CNTNAP2: variants seen among roughly 807,000 people sequenced by gnomAD.
CNTNAP2 encodes contactin-associated protein-like 2.
Under a neutral mutation model 155.2 loss-of-function variants are expected in CNTNAP2, and 98 were observed. The observed-to-expected ratio is 0.63, with a 90% CI of 0.54 to 0.75. The LOEUF (loss-of-function observed/expected upper bound fraction) is 0.75. CNTNAP2 is among the 30% of genes least tolerant of loss of function. The probability of loss-of-function intolerance (pLI) is 0.00; values close to 1 mark genes in which losing one functional copy is unlikely to be tolerated. For missense variants in CNTNAP2, 1,727 were observed against 1,688.1 expected (o/e 1.02, Z -0.40); for synonymous variants, 651 against 631.2 (o/e 1.03, Z -0.47).
At chr7:146,483,879 A>C (rs1447370028) in intron 1 of CNTNAP2, among the ~76,000 whole-genome samples, 1 of 152,152 alleles carries the variant, frequency 6.6e-6, no homozygotes, top group Non-Finnish European at 1.5e-5. Flanking sequence ...TGTTTTCTAC[A>C]CAACGAGTAT....
chr7:147,851,832 C>T (rs1798948082), intron 13 of CNTNAP2, among the ~76,000 whole-genome samples: 1 of 151,918 alleles, frequency 6.6e-6, no homozygotes, highest in South Asian at 2.1e-4. Flanking sequence ...ATGGGTGCAG[C>T]ACACCAACAT....
intron 3 of CNTNAP2, among the ~76,000 whole-genome samples, chr7:146,908,855 A>C (rs1322353468): frequency 2.1e-5 from 3 of 146,128 alleles, no homozygotes; most frequent in Admixed American, 2.0e-4. Flanking sequence ...AAAATCAATG[A>C]ATCCAGGAAC....
Position 146,192,159 on chromosome 7 carries a change from C to T in CNTNAP2, c.97+75186C>T, listed in dbSNP as rs145295906. On this transcript the variant is annotated intron_variant, in intron 1 of 23. Coordinates refer to ENST00000361727, the MANE Select transcript of CNTNAP2 (RefSeq NM_014141.6). ...TATGTTCTTCTGCCATCGCTTCAGC[C>T]GGTCCCTCCGTTCGGGGTCCCTGAC... Among the ~76,000 whole-genome samples, 695 of 152,218 alleles carry T rather than the reference C, an allele frequency of 4.6e-3. 9 individuals are homozygous for T. Among genetic ancestry groups the T allele is most frequent in the African/African-American group, 0.016 (663 of 41,510 alleles).
intron 18 of CNTNAP2, among the ~76,000 whole-genome samples, chr7:148,214,812 G>T (rs561320371): frequency 6.6e-6 from 1 of 152,072 alleles, no homozygotes; most frequent in African/African-American, 2.4e-5. Context: ...CTCGTGATCC[G>T]CCAGCCTCGA....
intron 3 of CNTNAP2, among the ~76,000 whole-genome samples, chr7:146,961,537 C>G (rs770649316): frequency 1.3e-5 from 2 of 152,108 alleles, no homozygotes; most frequent in Admixed American, 6.5e-5. Context: ...CACCCTCTAC[C>G]CTGAAAGTTG....
At position 147,899,113 on chromosome 7, in the gene CNTNAP2, G is replaced by T. The variant is rs1020336624; in HGVS notation, c.2099-4452G>T. Among the ~76,000 whole-genome samples, 4 of 152,208 alleles carry T rather than the reference G, an allele frequency of 2.6e-5. No homozygotes were observed. In the East Asian group the frequency reaches 7.7e-4, roughly 29 times the overall value. Reference sequence around the variant, plus strand: ...CCAGCACTTTGAGAGGCAGAAGCAGGTGAATCACTTGAGCCCAAAAGTTGG... The same window carrying T: ...CCAGCACTTTGAGAGGCAGAAGCAGTTGAATCACTTGAGCCCAAAAGTTGG... On this transcript the variant is annotated intron_variant, in intron 13 of 23. Transcript: ENST00000361727.
At chr7:148,387,040 T>TA (rs1491415266) in intron 22 of CNTNAP2, among the ~76,000 whole-genome samples, 1 of 152,174 alleles carries the variant, frequency 6.6e-6, no homozygotes, top group African/African-American at 2.4e-5. Flanking sequence ...AGAGAGGACT[T>TA]ACGGTAGGTT....
chr7:146,911,838 A>C (rs1171961781), intron 3 of CNTNAP2, among the ~76,000 whole-genome samples: 1 of 152,178 alleles, frequency 6.6e-6, no homozygotes, highest in Non-Finnish European at 1.5e-5. Flanking sequence ...AATTTGGTTT[A>C]CAATCTTCAA....
intron 18 of CNTNAP2, among the ~76,000 whole-genome samples, chr7:148,192,696 GTGACACA>G (rs1795219392): frequency 6.6e-6 from 1 of 152,296 alleles, no homozygotes; most frequent in Admixed American, 6.5e-5. Context: ...GGAAGGATAC[GTGACACA>G]TGCCAACTAC....
intron 1 of CNTNAP2, among the ~76,000 whole-genome samples, chr7:146,547,969 A>C (rs1798054582): frequency 6.6e-6 from 1 of 151,364 alleles, no homozygotes; most frequent in African/African-American, 2.4e-5. Flanking sequence ...CATTTTTTTC[A>C]ACTTTTATTT....
At chr7:147,602,173 T>C (rs1179445252) in intron 12 of CNTNAP2, among the ~76,000 whole-genome samples, 3 of 151,712 alleles carry the variant, frequency 2.0e-5, no homozygotes, top group Non-Finnish European at 2.9e-5. Context: ...AGTTGGGGTA[T>C]TTATCCCTTA....
At chr7:146,582,904 A>G (rs1375868730) in intron 1 of CNTNAP2, among the ~76,000 whole-genome samples, 2 of 148,572 alleles carry the variant, frequency 1.3e-5, no homozygotes, top group South Asian at 2.1e-4. Context: ...TATATTTATG[A>G]TATTAAGTAT....
At chr7:146,531,935 G>A (rs897249518) in intron 1 of CNTNAP2, among the ~76,000 whole-genome samples, 1 of 151,974 alleles carries the variant, frequency 6.6e-6, no homozygotes, top group African/African-American at 2.4e-5. Flanking sequence ...TTACTGAAGT[G>A]AAAAATAATG....
At chr7:147,202,813 G>A (rs1002712475) in intron 8 of CNTNAP2, among the ~76,000 whole-genome samples, 2 of 151,054 alleles carry the variant, frequency 1.3e-5, no homozygotes, top group Non-Finnish European at 2.9e-5. Context: ...AGGGGGCTGG[G>A]GTAGTGATAG....
intron 1 of CNTNAP2, among the ~76,000 whole-genome samples, chr7:146,146,099 T>A (rs1797954825): frequency 6.6e-6 from 1 of 152,154 alleles, no homozygotes; most frequent in South Asian, 2.1e-4. Context: ...TAAACCCCAA[T>A]CAGTTGAAAG....
chr7:147,441,813 T>TTCTCTC (rs568227936), intron 10 of CNTNAP2, among the ~76,000 whole-genome samples: 12,528 of 102,032 alleles, frequency 0.12, 1,170 homozygotes, highest in South Asian at 0.22. Context: ...TGTAGTCTCT[T>TTCTCTC]TCTCTCTCTC....
chr7:147,313,281 T>C (rs906400291), intron 9 of CNTNAP2, among the ~76,000 whole-genome samples: 2 of 152,010 alleles, frequency 1.3e-5, no homozygotes, highest in African/African-American at 4.8e-5. Context: ...ATCCCATTTA[T>C]CAATTTTGGC....
chr7:147,832,637 AATAT>A (rs1293635146), intron 13 of CNTNAP2, among the ~76,000 whole-genome samples: 4 of 146,324 alleles, frequency 2.7e-5, no homozygotes, highest in Non-Finnish European at 6.0e-5. Flanking sequence ...TATATAAAGC[AATAT>A]ATAAAATTAT....
chr7:147,951,879 A>ATAGC (rs1316980870), intron 14 of CNTNAP2, among the ~76,000 whole-genome samples: 7 of 151,948 alleles, frequency 4.6e-5, no homozygotes, highest in African/African-American at 1.7e-4. Flanking sequence ...TGGCACATGT[A>ATAGC]TAGCTATATA....
Sources: gnomAD v4.1 joint callset for allele counts (sites outside exome capture counted in the v4.1 genomes callset) on GRCh38, gnomAD v4.1.1 for gene constraint, MANE v1.5 for transcripts, NCBI Gene and HGNC (gene_info 2026-07-23, HGNC 2026-07-21) for gene names.